Variants in OR2T11 observed in about 807,000 individuals in gnomAD.
OR2T11 encodes the protein olfactory receptor 2T11.
OR2T11 carries 14 observed loss-of-function variants against 13.5 expected under a neutral mutation model. That is an observed-to-expected ratio of 1.04 (90% confidence interval 0.69 to 1.62). The LOEUF (loss-of-function observed/expected upper bound fraction) is 1.62. Among genes scored for constraint, OR2T11 ranks in the 40% most tolerant of loss-of-function variants. The pLI is 0.00. For missense variants in OR2T11, 410 were observed against 389.7 expected, an observed-to-expected ratio of 1.05 and a Z score of -0.44; for synonymous variants, 163 against 154.6, an observed-to-expected ratio of 1.05 and a Z score of -0.40.
chr1:248,627,851 G>A (rs1232658202), intron 1 of OR2T11, among the ~76,000 whole-genome samples: 2 of 143,046 alleles, frequency 1.4e-5, no homozygotes, highest in African/African-American at 2.8e-5. Flanking sequence ...CACTGTTTAT[G>A]TCTAAAGTTG....
chr1:248,626,976 G>T lies in OR2T11; in HGVS notation c.153C>A (p.Arg51=), dbSNP rs770903963. Residue 51 remains arginine, a synonymous_variant, in exon 2 of 2, where the codon CGC becomes CGA. Transcript: ENST00000641193. The part of the protein sequence containing the change: ...VMIFLIQVDS[R]LHTPMYFLLS... ...GCAGAAAGTACATGGGGGTGTGGAGGCGAGAGTCCACCTGAATCAAGAATA... is the reference window on the plus strand; with the variant it reads ...GCAGAAAGTACATGGGGGTGTGGAGTCGAGAGTCCACCTGAATCAAGAATA... The T allele has an allele frequency of 6.4e-7, 1 of 1,571,232 alleles. No homozygotes were observed. The highest frequency in any genetic ancestry group is 1.1e-5 in the South Asian group (1 of 88,854).
chr1:248,626,146 T>C lies in OR2T11; in HGVS notation c.*32A>G, dbSNP rs368361733. 381 of 1,235,366 alleles carry C rather than the reference T, an allele frequency of 3.1e-4. 30 individuals are homozygous for C. Among genetic ancestry groups the C allele is most frequent in the Non-Finnish European group, 4.0e-4 (348 of 860,578 alleles). The allele number at this position is 1,235,366 out of a possible 1,614,324, so 76.5% of individuals were successfully genotyped here. A position where few individuals can be genotyped will look rare whatever the true frequency, so the allele number is the denominator to read the frequency against. On this transcript the variant is annotated 3_prime_UTR_variant, in exon 2 of 2. Coordinates refer to ENST00000641193, the MANE Select transcript of OR2T11 (RefSeq NM_001001964.2). Reference sequence around the variant, plus strand: ...GAAACAGGGCAAATGGAGGAAGTCCTTAGGAAGCCTTATCCTCTGGGCAGT... The same window carrying C: ...GAAACAGGGCAAATGGAGGAAGTCCCTAGGAAGCCTTATCCTCTGGGCAGT...
intron 1 of OR2T11, among the ~76,000 whole-genome samples, chr1:248,628,530 A>C (rs112056598): frequency 0.021 from 2,970 of 141,278 alleles, 619 homozygotes; most frequent in African/African-American, 0.079. Context: ...TGACTTTCAG[A>C]TAATCAAAAA....
At chr1:248,628,123 A>G (rs1444741981) in intron 1 of OR2T11, among the ~76,000 whole-genome samples, 2 of 143,288 alleles carry the variant, frequency 1.4e-5, no homozygotes, top group Non-Finnish European at 3.0e-5. Flanking sequence ...TCACCAAGCT[A>G]CACGTCTGCC....
At chr1:248,631,133 A>G (rs897228378) in intron 1 of OR2T11, among the ~76,000 whole-genome samples, 1 of 143,220 alleles carries the variant, frequency 7.0e-6, no homozygotes, top group Non-Finnish European at 1.5e-5. Flanking sequence ...GTCCAGTGAG[A>G]CCGGTTTCCA....
rs2103101100 is a variant in OR2T11, at chr1:248,626,526, G to A, written c.603C>T (p.Val201=). The change falls in exon 2 of 2, where the codon GTC becomes GTT. Residue 201 remains valine, a synonymous_variant. Transcript: ENST00000641193. ...TAGAGATGGGGATGAGCAACATGAGGACACAGCAGATGTACATCAGAGTTT... is the reference window on the plus strand; with the variant it reads ...TAGAGATGGGGATGAGCAACATGAGAACACAGCAGATGTACATCAGAGTTT... ...LYETLMYICC[V]LMLLIPISII... 7 of 1,567,848 alleles carry A rather than the reference G, an allele frequency of 4.5e-6. 1 individual carries two copies. The highest frequency in any genetic ancestry group is 1.5e-5 in the African/African-American group (1 of 66,906).
chr1:248,626,727 G>A lies in OR2T11; in HGVS notation c.402C>T (p.Asn134=). The change falls in exon 2 of 2, where the codon AAC becomes AAT. Residue 134 remains asparagine (N), a synonymous_variant. Transcript: ENST00000641193. The part of the protein sequence containing the change: ...CNPLRYPVLM[N]RKKCLLLAAG... ...CAGCCAGCAAAAGACACTTCTTGCG[G>A]TTCATCAGGACTGGGTATCTCAGAG... 2 of 1,573,464 alleles carry A rather than the reference G, an allele frequency of 1.3e-6. No homozygotes were observed. Among genetic ancestry groups the A allele is most frequent in the Non-Finnish European group, 1.7e-6 (2 of 1,157,026 alleles).
rs1471667276 is a variant in OR2T11 at position 248,627,066 on chromosome 1, G to A, written c.63C>T (p.Ala21=). The change falls in exon 2 of 2, where the codon GCC becomes GCT. Residue 21 remains alanine (A), a synonymous_variant. Coordinates refer to ENST00000641193, the MANE Select transcript of OR2T11 (RefSeq NM_001001964.2). ...LLGLLVNSEA[A]GIVFTVILAV... ...CAAGGATCACTGTAAATACAATCCC[G>A]GCAGCCTCACTGTTCACCAGAAGCC... The A allele has an allele frequency of 2.0e-5, 32 of 1,570,286 alleles. 5 individuals carry two copies. Among genetic ancestry groups the A allele is most frequent in the Middle Eastern group, 3.3e-4 (2 of 5,990 alleles).
At position 248,632,236 on chromosome 1, in the gene OR2T11, G is replaced by T. The variant is rs1380714333; in HGVS notation, c.-145+2802C>A. 1.4e-5 allele frequency among the ~76,000 whole-genome samples: 2 copies of T among 143,570 alleles called. 1 individual carries two copies. Among genetic ancestry groups the T allele is most frequent in the African/African-American group, 5.5e-5 (2 of 36,538 alleles). 94.2% of individuals were successfully genotyped at this position (143,570 alleles called of 152,430 possible). A position where few individuals can be genotyped will look rare whatever the true frequency, so the allele number is the denominator to read the frequency against. On this transcript the variant is annotated intron_variant, in intron 1 of 1. Coordinates refer to ENST00000641193, the MANE Select transcript of OR2T11 (RefSeq NM_001001964.2). The stretch of plus-strand genomic sequence containing the variant: ...TGTGGAATCAATTGAAATGGTACTA[G>T]TGATCCTATCAATGATTTATGAAAC...
At chr1:248,630,175 T>C (rs1292604634) in intron 1 of OR2T11, among the ~76,000 whole-genome samples, 5 of 143,094 alleles carry the variant, frequency 3.5e-5, no homozygotes, top group Admixed American at 6.8e-5. Flanking sequence ...TTTTATATAA[T>C]GTGCTGAAGA....
rs370339210 is a variant in OR2T11, at chr1:248,626,660, T to A, written c.469A>T (p.Thr157Ser). 4 of 1,571,464 alleles carry A rather than the reference T, an allele frequency of 2.5e-6. No individual in the cohort carries two copies. In the African/African-American group the frequency reaches 6.0e-5, roughly 24 times the overall value. Residue 157 changes from threonine (T) to serine (S), a missense_variant, in exon 2 of 2, where the codon ACT becomes TCT. Coordinates refer to ENST00000641193, the MANE Select transcript of OR2T11 (RefSeq NM_001001964.2). ...TAAGGGACATTCATGGTGATGGGAG[T>A]GAGCAGAAAGCCATCGAGGGAGCCC... ...FGGSLDGFLLTPITMNVPYCG... is the reference protein window; with the variant it reads ...FGGSLDGFLLSPITMNVPYCG...
Position 248,626,603 on chromosome 1 carries a change from A to G in OR2T11, c.526T>C (p.Cys176Arg), listed in dbSNP as rs1221140911. Residue 176 changes from cysteine (C) to arginine (R), a missense_variant, in exon 2 of 2, where the codon TGT (cysteine) becomes CGT (arginine). Physicochemically the swap from Cys to Arg is radical, Grantham distance 180. Transcript: ENST00000641193. ...CGSRSINHFFCEIPAVLKLAC... is the reference protein window; with the variant it reads ...CGSRSINHFFREIPAVLKLAC... ...AGTTTCAGAACTGCTGGGATCTCAC[A>G]GAAAAAATGGTTGATACTTCGGGAG... is the stretch of plus-strand genomic sequence containing the variant. The G allele has an allele frequency of 1.9e-6, 3 of 1,573,552 alleles. No individual in the cohort carries two copies. Among genetic ancestry groups the G allele is most frequent in the African/African-American group, 3.0e-5 (2 of 67,072 alleles).
At chr1:248,631,360 C>A (rs1414121364) in intron 1 of OR2T11, among the ~76,000 whole-genome samples, 1 of 143,678 alleles carries the variant, frequency 7.0e-6, no homozygotes, top group Non-Finnish European at 1.5e-5. Flanking sequence ...CTTCACAGCA[C>A]CTCGACGGGT....
intron 1 of OR2T11, among the ~76,000 whole-genome samples, chr1:248,634,260 T>C (rs1660655786): frequency 7.0e-6 from 1 of 142,726 alleles, no homozygotes; most frequent in Admixed American, 6.8e-5. Flanking sequence ...TTTTTAGGTA[T>C]GTGATGATTT....
intron 1 of OR2T11, among the ~76,000 whole-genome samples, chr1:248,628,911 A>G (rs1660564585): frequency 7.0e-6 from 1 of 142,996 alleles, no homozygotes; most frequent in Non-Finnish European, 1.5e-5. Context: ...GATCGTTTCA[A>G]TTCTATTCCA....
In OR2T11 at chr1:248,626,341, TG is replaced by T. The variant is rs1660517892; in HGVS notation, c.787del (p.His263ThrfsTer8). Reference sequence around the variant, plus strand: ...CACTACTTTGTCCTGCTCGGGGGTGTGGAAGGACTGGGGCAGCACGTATGTG... The same window carrying T: ...CACTACTTTGTCCTGCTCGGGGGTGTGAAGGACTGGGGCAGCACGTATGTG... ...FYTYVLPQSF[H>X]TPEQDKVVSA... On this transcript the variant is annotated frameshift_variant, in exon 2 of 2. Transcript: ENST00000641193. LOFTEE classifies it high-confidence loss of function. The T allele has an allele frequency of 6.4e-7, 1 of 1,572,820 alleles. No homozygotes were observed. Among genetic ancestry groups the T allele is most frequent in the Non-Finnish European group, 8.6e-7 (1 of 1,156,534 alleles).
chr1:248,633,908 CTT>C (rs1222318696), intron 1 of OR2T11, among the ~76,000 whole-genome samples: 1 of 143,386 alleles, frequency 7.0e-6, no homozygotes. Flanking sequence ...AAGCCAATGA[CTT>C]TTTCACATAA....
At chr1:248,630,873 T>A (rs1353240516) in intron 1 of OR2T11, among the ~76,000 whole-genome samples, 4 of 143,066 alleles carry the variant, frequency 2.8e-5, no homozygotes, top group Non-Finnish European at 6.0e-5. Flanking sequence ...GATGAGGAGA[T>A]TCTTCTGAAT....
In OR2T11 at chr1:248,624,654, TATTA is replaced by T. The variant is rs1660489322; in HGVS notation, c.*1520_*1523del. 4 of 144,384 alleles carry T rather than the reference TATTA, an allele frequency of 2.8e-5. 2 individuals are homozygous for T. The highest frequency in any genetic ancestry group is 1.1e-4 in the African/African-American group (4 of 36,840). The allele number at this position is 144,384 out of a possible 1,614,324, so 8.9% of individuals were successfully genotyped here. ...TTTTAAATGCTCTTCGTACTCTGAT[TATTA>T]AATGTATGCTTTATGTTCAGAACTC... On this transcript the variant is annotated 3_prime_UTR_variant, in exon 2 of 2. Transcript: ENST00000641193.
Sources: gnomAD v4.1 joint callset for allele counts (sites outside exome capture counted in the v4.1 genomes callset) on GRCh38, gnomAD v4.1.1 for gene constraint, MANE v1.5 for transcripts, NCBI Gene and HGNC (gene_info 2026-07-23, HGNC 2026-07-21) for gene names.